DMD: variants seen among roughly 807,000 people sequenced by gnomAD.
DMD encodes mutant dystrophin.
A neutral mutation model predicts 330.1 loss-of-function variants in DMD; 63 were observed. That is an observed-to-expected ratio of 0.19 (90% confidence interval 0.16 to 0.24). The LOEUF is 0.24. DMD is among the 10% of genes least tolerant of loss of function. DMD has a pLI of 1.00. For synonymous variants in DMD, 1,223 were observed against 959.8 expected (o/e 1.27, Z -5.07); for missense variants, 3,344 against 2,684.1 (o/e 1.25, Z -5.43).
chrX:31,727,714 T>C (rs760099156), intron 52 of DMD, among the ~76,000 whole-genome samples: 1 of 112,206 alleles, frequency 8.9e-6, no homozygotes, highest in African/African-American at 3.2e-5. Context: ...TTACCTGTTA[T>C]AGTGGCTAGT....
intron 30 of DMD, among the ~76,000 whole-genome samples, chrX:32,394,831 G>T (rs1196312529): frequency 9.6e-6 from 1 of 103,824 alleles, no homozygotes; most frequent in Non-Finnish European, 2.0e-5. Context: ...AGCCTCCAAG[G>T]TTAGTAGAGG....
rs138011316 is a variant in DMD at position 31,680,490 on chromosome X, C to T, written c.7661-904G>A. ...GGTTCAAGCTATCCTCCTGTCTCAG[C>T]CTCCCGAGTAGCAGGAACTACAGGC... On this transcript the variant is annotated intron_variant, in intron 52 of 78. Transcript: ENST00000357033. Among the ~76,000 whole-genome samples the T allele has an allele frequency of 2.1e-3, 235 of 110,123 alleles. 3 individuals carry two copies. Among genetic ancestry groups the T allele is most frequent in the African/African-American group, 7.3e-3 (222 of 30,227 alleles).
chrX:31,159,504 TGTA>T (rs2038553892), intron 74 of DMD, among the ~76,000 whole-genome samples: 1 of 111,557 alleles, frequency 9.0e-6, no homozygotes, highest in Non-Finnish European at 1.9e-5. Context: ...CATGTACATA[TGTA>T]ATACCAACAG....
chrX:31,597,461 C>T (rs2077159839), intron 55 of DMD, among the ~76,000 whole-genome samples: 1 of 111,561 alleles, frequency 9.0e-6, no homozygotes, highest in African/African-American at 3.3e-5. Context: ...AGTTTATAAT[C>T]AGTTGGAAAG....
intron 26 of DMD, among the ~76,000 whole-genome samples, chrX:32,450,297 T>C (rs2098324777): frequency 9.0e-6 from 1 of 111,285 alleles, no homozygotes; most frequent in South Asian, 3.7e-4. Flanking sequence ...CCTTTGGATT[T>C]AGTCCCACAA....
chrX:32,840,580 A>G (rs1212235251), intron 4 of DMD, among the ~76,000 whole-genome samples: 1 of 112,069 alleles, frequency 8.9e-6, no homozygotes, highest in Non-Finnish European at 1.9e-5. Context: ...AGATTCTCTT[A>G]TGCGTTTTAC....
At chrX:32,034,344 T>C (rs773623808) in intron 44 of DMD, among the ~76,000 whole-genome samples, 2 of 112,122 alleles carry the variant, frequency 1.8e-5, no homozygotes, top group South Asian at 7.4e-4. Context: ...GATCACATTT[T>C]CTAAATTAAT....
At chrX:32,458,431 T>A (rs1393616791) in intron 25 of DMD, among the ~76,000 whole-genome samples, 1 of 111,635 alleles carries the variant, frequency 9.0e-6, no homozygotes, top group Admixed American at 9.6e-5. Flanking sequence ...TCTTGGCTAT[T>A]GTAAATATTG....
chrX:32,655,419 T>G (rs1289788247), intron 9 of DMD, among the ~76,000 whole-genome samples: 1 of 112,319 alleles, frequency 8.9e-6, no homozygotes, highest in Non-Finnish European at 1.9e-5. Flanking sequence ...CAGCAGCAGG[T>G]TGTTCAGTTT....
intron 1 of DMD, among the ~76,000 whole-genome samples, chrX:33,079,057 T>G (rs1183791532): frequency 9.0e-6 from 1 of 111,448 alleles, no homozygotes; most frequent in East Asian, 2.8e-4. Context: ...TGAGACAGAG[T>G]TTCTCTCTTG....
At chrX:33,201,828 C>T (rs2051291251) in intron 1 of DMD, among the ~76,000 whole-genome samples, 1 of 112,368 alleles carries the variant, frequency 8.9e-6, no homozygotes, top group African/African-American at 3.2e-5. Flanking sequence ...GTTGCCTGTA[C>T]ATAACTGAAA....
chrX:32,039,858 C>T (rs895660898), intron 44 of DMD, among the ~76,000 whole-genome samples: 7 of 111,303 alleles, frequency 6.3e-5, no homozygotes, highest in South Asian at 7.5e-4. Flanking sequence ...TCTATGAATT[C>T]AACTTTTCTT....
rs1377448854 is a variant in DMD, at chrX:32,597,100, T to A, written c.1483-1224A>T. ...TCCAAAAATGTGTCAAGCTGTTCCCTCTACCAGGATTGCTTTTCTTCCAGA... is the reference window on the plus strand; with the variant it reads ...TCCAAAAATGTGTCAAGCTGTTCCCACTACCAGGATTGCTTTTCTTCCAGA... On this transcript the variant is annotated intron_variant, in intron 12 of 78. Coordinates refer to ENST00000357033, the MANE Select transcript of DMD (RefSeq NM_004006.3). Among the ~76,000 whole-genome samples, 4 of 111,821 alleles carry A rather than the reference T, an allele frequency of 3.6e-5. No individual in the cohort carries two copies. In the Admixed American group the frequency reaches 3.8e-4, roughly 11 times the overall value.
chrX:32,658,704 C>T (rs1029866463), intron 9 of DMD, among the ~76,000 whole-genome samples: 1 of 111,034 alleles, frequency 9.0e-6, no homozygotes, highest in Non-Finnish European at 1.9e-5. Flanking sequence ...CATGTCCAAG[C>T]TAGCCATCTC....
chrX:32,282,319 A>G (rs1422457282), intron 43 of DMD, among the ~76,000 whole-genome samples: 1 of 111,922 alleles, frequency 8.9e-6, no homozygotes, highest in Non-Finnish European at 1.9e-5. Context: ...TCTTATGTAA[A>G]TTCTTTGTTT....
intron 54 of DMD, among the ~76,000 whole-genome samples, chrX:31,635,766 A>G (rs2079375748): frequency 9.0e-6 from 1 of 111,631 alleles, no homozygotes; most frequent in African/African-American, 3.3e-5. Flanking sequence ...AATAATACAC[A>G]TTTGAAAGGG....
At chrX:31,482,222 T>C (rs2068344942) in intron 57 of DMD, among the ~76,000 whole-genome samples, 1 of 84,610 alleles carries the variant, frequency 1.2e-5, no homozygotes, top group Admixed American at 1.3e-4. Flanking sequence ...CATGATGGTG[T>C]GTGTGTGTGT....
chrX:32,668,831 A>G (rs1015323405), intron 9 of DMD, among the ~76,000 whole-genome samples: 1 of 110,713 alleles, frequency 9.0e-6, no homozygotes, highest in Non-Finnish European at 1.9e-5. Context: ...AATCAATACT[A>G]ATAATAATCA....
chrX:31,473,682 C>T (rs1325674811), intron 59 of DMD, among the ~76,000 whole-genome samples: 1 of 94,624 alleles, frequency 1.1e-5, no homozygotes, highest in Non-Finnish European at 2.0e-5. Flanking sequence ...CACTGCACTC[C>T]AGCCTGGTGA....
Sources: allele counts gnomAD v4.1 joint callset (sites outside exome capture counted in the v4.1 genomes callset), GRCh38; gene constraint gnomAD v4.1.1; transcripts MANE v1.5; gene names NCBI Gene and HGNC (gene_info 2026-07-23, HGNC 2026-07-21).